CALN1: variants seen among roughly 807,000 people sequenced by gnomAD.
CALN1 encodes the protein calcium-binding protein 8.
Under a neutral mutation model 30.6 loss-of-function variants are expected in CALN1, and 17 were observed. The observed-to-expected ratio is 0.56, with a 90% CI of 0.38 to 0.83. The LOEUF is 0.83. Ranked by LOEUF, CALN1 falls within the 40% of genes least tolerant of loss-of-function variation. The probability of loss-of-function intolerance (pLI) is 0.00; values close to 1 mark genes in which losing one functional copy is unlikely to be tolerated. For missense variants in CALN1, 291 were observed against 354.9 expected, an observed-to-expected ratio of 0.82 and a Z score of 1.45; for synonymous variants, 156 against 131.4, an observed-to-expected ratio of 1.19 and a Z score of -1.28.
chr7:72,448,162 GCA>G (rs1470020723), upstream of CALN1, among the ~76,000 whole-genome samples: 1 of 152,078 alleles, frequency 6.6e-6, no homozygotes. Context: ...ATCTTCCCAT[GCA>G]CACACACCTA....
At chr7:71,874,333 A>C (rs1375278916) in intron 5 of CALN1, among the ~76,000 whole-genome samples, 1 of 151,994 alleles carries the variant, frequency 6.6e-6, no homozygotes, top group Admixed American at 6.6e-5. Flanking sequence ...TCTTAGGAAC[A>C]GAAAGATTCA....
chr7:72,396,454 G>A (rs1264546911), intron 2 of CALN1, among the ~76,000 whole-genome samples: 2 of 150,664 alleles, frequency 1.3e-5, no homozygotes, highest in Non-Finnish European at 3.0e-5. Context: ...AAAAAGTGGA[G>A]AAATAGAGCA....
intron 5 of CALN1, among the ~76,000 whole-genome samples, chr7:71,964,432 T>A (rs2129525544): frequency 6.6e-6 from 1 of 152,300 alleles, no homozygotes; most frequent in Admixed American, 6.5e-5. Flanking sequence ...CCTCTGCTTA[T>A]CGCAAGGACA....
chr7:72,229,049 G>A (rs189944500), intron 3 of CALN1, among the ~76,000 whole-genome samples: 149 of 151,578 alleles, frequency 9.8e-4, no homozygotes, highest in African/African-American at 3.5e-3. Flanking sequence ...ACAGGTATGG[G>A]CCACCACACC....
chr7:72,187,999 AG>A (rs1790323445), intron 3 of CALN1, among the ~76,000 whole-genome samples: 1 of 152,164 alleles, frequency 6.6e-6, no homozygotes, highest in Non-Finnish European at 1.5e-5. Context: ...TGCGGTGAAA[AG>A]GAAACACTTC....
chr7:72,490,013 C>A, the CALN1 span, among the ~76,000 whole-genome samples: 1 of 152,304 alleles, frequency 6.6e-6, no homozygotes, highest in South Asian at 2.1e-4. Flanking sequence ...AAATTACTTT[C>A]TTTGGTGTCT....
intron 4 of CALN1, among the ~76,000 whole-genome samples, chr7:72,071,964 A>C (rs1354783937): frequency 1.3e-5 from 2 of 152,228 alleles, no homozygotes; most frequent in African/African-American, 4.8e-5. Context: ...AGCTTAAAGG[A>C]AATTATCACT....
At chr7:72,198,272 G>A (rs1460199561) in intron 3 of CALN1, among the ~76,000 whole-genome samples, 2 of 152,166 alleles carry the variant, frequency 1.3e-5, no homozygotes, top group African/African-American at 4.8e-5. Flanking sequence ...ACTTTGGCAT[G>A]ATGAATGGCC....
chr7:72,388,821 C>A (rs1805399214), intron 2 of CALN1, among the ~76,000 whole-genome samples: 1 of 152,162 alleles, frequency 6.6e-6, no homozygotes, highest in South Asian at 2.1e-4. Context: ...TGTGCACTGG[C>A]TGGCCAATAA....
intron 4 of CALN1, among the ~76,000 whole-genome samples, chr7:72,037,887 A>G (rs1343490342): frequency 6.6e-6 from 1 of 152,208 alleles, no homozygotes; most frequent in African/African-American, 2.4e-5. Flanking sequence ...TTGTAGAGGC[A>G]ATTGCTTTTG....
At chr7:72,364,375 A>G (rs1348214382) in intron 2 of CALN1, among the ~76,000 whole-genome samples, 1 of 152,240 alleles carries the variant, frequency 6.6e-6, no homozygotes, top group Non-Finnish European at 1.5e-5. Flanking sequence ...TACATCATAT[A>G]TCTACAGGAA....
At chr7:72,169,976 A>G (rs1462715951) in intron 3 of CALN1, among the ~76,000 whole-genome samples, 1 of 151,248 alleles carries the variant, frequency 6.6e-6, no homozygotes, top group Non-Finnish European at 1.5e-5. Context: ...TACGGGCGTG[A>G]GACACCGCAC....
chr7:72,145,692 C>G (rs1408069317), intron 3 of CALN1, among the ~76,000 whole-genome samples: 1 of 152,320 alleles, frequency 6.6e-6, no homozygotes, highest in South Asian at 2.1e-4. Flanking sequence ...AGACCAATAT[C>G]CCGGATGAAC....
At chr7:71,886,921 G>A (rs1792945055) in intron 5 of CALN1, among the ~76,000 whole-genome samples, 1 of 152,134 alleles carries the variant, frequency 6.6e-6, no homozygotes, top group African/African-American at 2.4e-5. Flanking sequence ...ATAAAAATGG[G>A]GGCATAGCAA....
At chr7:71,903,845 C>T (rs549435491) in intron 5 of CALN1, among the ~76,000 whole-genome samples, 5 of 152,058 alleles carry the variant, frequency 3.3e-5, no homozygotes, top group African/African-American at 7.2e-5. Context: ...AATTTAACTC[C>T]ATTGGAAGAA....
Position 72,403,360 on chromosome 7 carries a change from G to C in CALN1, c.10C>G (p.Pro4Ala), listed in dbSNP as rs1487476458. 4.5e-6 allele frequency: 7 copies of C among 1,547,130 alleles called. No homozygotes were observed. The highest frequency in any genetic ancestry group is 6.1e-6 in the Non-Finnish European group (7 of 1,146,754). ...GGCTTCCCCTCTCCGGGTTGCTCTGGCAGCCGCATCGGGGGTCCAGGGCGA... is the reference window on the plus strand; with the variant it reads ...GGCTTCCCCTCTCCGGGTTGCTCTGCCAGCCGCATCGGGGGTCCAGGGCGA... MRL[P>A]EQPGEGKPEN... The change falls in exon 2 of 7, where the codon CCA becomes GCA. Residue 4 changes from proline to alanine, a missense_variant. This residue lies in a region of CALN1 where 122 missense variants were observed against 103.2 expected (regional missense o/e 1.18). Transcript: ENST00000395275.
At chr7:72,264,635 A>G (rs984757188) in intron 3 of CALN1, among the ~76,000 whole-genome samples, 4 of 152,104 alleles carry the variant, frequency 2.6e-5, no homozygotes, top group Non-Finnish European at 5.9e-5. Context: ...TGAGTATCCA[A>G]GACCACAGGT....
intron 4 of CALN1, among the ~76,000 whole-genome samples, chr7:72,055,143 C>T (rs957278660): frequency 9.9e-5 from 15 of 152,092 alleles, no homozygotes; most frequent in African/African-American, 3.4e-4. Flanking sequence ...ACCACACTAA[C>T]GAGGTAGATA....
chr7:72,492,111 A>G, the CALN1 span, among the ~76,000 whole-genome samples: 1 of 152,190 alleles, frequency 6.6e-6, no homozygotes, highest in Non-Finnish European at 1.5e-5. Flanking sequence ...TCAAATTACA[A>G]CTACTGCAAA....
Sources: allele counts gnomAD v4.1 joint callset (sites outside exome capture counted in the v4.1 genomes callset), GRCh38; gene constraint gnomAD v4.1.1; regional missense constraint gnomAD v4.1.1; transcripts MANE v1.5; gene names NCBI Gene and HGNC (gene_info 2026-07-23, HGNC 2026-07-21).